Variants in NRSN2 observed in about 807,000 individuals in gnomAD.
NRSN2 encodes neurensin-2.
In NRSN2, 10 loss-of-function variants were observed where a neutral mutation model predicts 11.1. The ratio of observed to expected loss-of-function variants is 0.90; its 90% CI spans 0.56 to 1.53. The LOEUF (loss-of-function observed/expected upper bound fraction) is 1.53, where lower values mean the gene tolerates loss of function less well. Ranked by LOEUF, NRSN2 falls within the 40% of genes most tolerant of loss-of-function variation. The pLI is 0.00. For synonymous variants in NRSN2, 100 were observed against 117.0 expected, an observed-to-expected ratio of 0.86 and a Z score of 0.94; for missense variants, 260 against 273.7, an observed-to-expected ratio of 0.95 and a Z score of 0.35.
At position 349,541 on chromosome 20, in the gene NRSN2, C is replaced by T. The variant is rs1170622786; in HGVS notation, c.-6-97C>T. On this transcript the variant is annotated intron_variant, in intron 3 of 4. Transcript: ENST00000382285. ...AGGGTGTCTCGAGTGGGAGGAGAAG[C>T]GGGTGGGGCACAAAGATTTAGGGGG... is the stretch of plus-strand genomic sequence containing the variant. 2.7e-5 allele frequency: 26 copies of T among 949,998 alleles called. No homozygotes were observed. In the East Asian group the frequency reaches 3.9e-4, roughly 14 times the overall value. The allele number at this position is 949,998 out of a possible 1,614,324, so 58.8% of individuals were successfully genotyped here. A position where few individuals can be genotyped will look rare whatever the true frequency, so the allele number is the denominator to read the frequency against.
At chr20:350,646 CAAAAAAAAAAAAAAAAAAA>C (rs56188179) in intron 4 of NRSN2, among the ~76,000 whole-genome samples, 3 of 39,400 alleles carry the variant, frequency 7.6e-5, no homozygotes, top group East Asian at 1.7e-3. Flanking sequence ...GACTCTGTCT[CAAAAAAAAAAAAAAAAAAA>C]AAAAAAAAAA....
rs371797787 is a variant in NRSN2 at position 353,678 on chromosome 20, C to A, written c.*43C>A. ...AGATGTGGGTCCTGGATCCTTCCCC[C>A]CTTCTCACCATAACCCCCTCTCAGT... On this transcript the variant is annotated 3_prime_UTR_variant, in exon 5 of 5. Transcript: ENST00000382285. 371 of 1,574,334 alleles carry A rather than the reference C, an allele frequency of 2.4e-4. 8 individuals are homozygous for A. The highest frequency in any genetic ancestry group is 1.1e-3 in the South Asian group (100 of 88,294).
chr20:352,974 A>G (rs1351940952), intron 4 of NRSN2, among the ~76,000 whole-genome samples: 1 of 152,150 alleles, frequency 6.6e-6, no homozygotes, highest in Admixed American at 6.5e-5. Flanking sequence ...TTGGCCGGAG[A>G]AACCCACTGC....
Position 353,764 on chromosome 20 carries a change from G to GGAGCACTGGGATTT in NRSN2, c.*133_*134insACTGGGATTTGAGC. On this transcript the variant is annotated 3_prime_UTR_variant, in exon 5 of 5. Transcript: ENST00000382285. ...TAGAGCCCAACTCCAGGTCAAATCT[G>GGAGCACTGGGATTT]GAGCTCAAATCCCAGTGCTCCCTCC... 1 of 991,326 alleles carries GGAGCACTGGGATTT rather than the reference G, an allele frequency of 1.0e-6. No individual in the cohort carries two copies. Among genetic ancestry groups the GGAGCACTGGGATTT allele is most frequent in the Non-Finnish European group, 1.4e-6 (1 of 691,562 alleles). The allele number at this position is 991,326 out of a possible 1,614,324, so 61.4% of individuals were successfully genotyped here.
chr20:351,384 A>G lies in NRSN2; in HGVS notation c.189+1552A>G, dbSNP rs561349271. 7.2e-5 allele frequency among the ~76,000 whole-genome samples: 11 copies of G among 152,298 alleles called. No homozygotes were observed. In the East Asian group the frequency reaches 1.7e-3, roughly 24 times the overall value. ...ACTTCATCTCTACTAAAAATAAAAA[A>G]TTAGCTGGATGTAGTGGCGCGGGCC... is the stretch of plus-strand genomic sequence containing the variant. On this transcript the variant is annotated intron_variant, in intron 4 of 4. Transcript: ENST00000382285.
chr20:350,434 A>C (rs2122541876), intron 4 of NRSN2, among the ~76,000 whole-genome samples: 1 of 149,406 alleles, frequency 6.7e-6, no homozygotes, highest in African/African-American at 2.5e-5. Flanking sequence ...AGCTGAGATC[A>C]ATCCATTGCA....
chr20:347,187 C>G lies in NRSN2; in HGVS notation c.-201+45C>G, dbSNP rs1201794342. On this transcript the variant is annotated intron_variant, in intron 1 of 4. Transcript: ENST00000382285. This position sits in a 1 kb window ranked among gnomAD's most constrained non-coding sequence, Gnocchi z 7.0. ...ACGCGCGGCCAGGCCCCAGCCCCAG[C>G]CCCTGGAGAACCCCCGCGCTCTGCC... is the stretch of plus-strand genomic sequence containing the variant. The G allele has an allele frequency of 6.6e-6, 1 of 152,618 alleles. No homozygotes were observed. Among genetic ancestry groups the G allele is most frequent in the Non-Finnish European group, 1.5e-5 (1 of 68,458 alleles). The allele number at this position is 152,618 out of a possible 1,614,324, so 9.5% of individuals were successfully genotyped here. A position where few individuals can be genotyped will look rare whatever the true frequency, so the allele number is the denominator to read the frequency against.
intron 4 of NRSN2, among the ~76,000 whole-genome samples, chr20:352,201 C>G (rs1016736442): frequency 7.2e-5 from 11 of 152,160 alleles, no homozygotes; most frequent in African/African-American, 2.2e-4. Context: ...GAATTGATGT[C>G]TTTAACAGCC....
chr20:353,198 G>A lies in NRSN2; in HGVS notation c.190-12G>A. 1 of 1,612,004 alleles carries A rather than the reference G, an allele frequency of 6.2e-7. No homozygotes were observed. Among genetic ancestry groups the A allele is most frequent in the Admixed American group, 1.7e-5 (1 of 59,136 alleles). On this transcript the variant is annotated splice_polypyrimidine_tract_variant and intron_variant, in intron 4 of 4. Coordinates refer to ENST00000382285, the MANE Select transcript of NRSN2 (RefSeq NM_001323682.2). The stretch of plus-strand genomic sequence containing the variant: ...ACCCTGACTGCTTCCTGGTCTGTCT[G>A]CTTCTCCCTAGATCAGCCTGTCCTC...
In NRSN2 at chr20:353,623, G is replaced by C; in HGVS notation, c.603G>C (p.Lys201Asn). The change falls in exon 5 of 5, where the codon AAG (lysine) becomes AAC (asparagine). Residue 201 changes from lysine (K) to asparagine (N), a missense_variant. Lys to Asn is a moderately conservative substitution (Grantham distance 94, BLOSUM62 0). Coordinates refer to ENST00000382285, the MANE Select transcript of NRSN2 (RefSeq NM_001323682.2). Reference sequence around the variant, plus strand: ...CTTCTGTGCAGACTATCCAGCCCAAGAGGGACTCCTGAGCTGCCCACATGG... The same window carrying C: ...CTTCTGTGCAGACTATCCAGCCCAACAGGGACTCCTGAGCTGCCCACATGG... ...GQSSVQTIQP[K>N]RDS 1 of 1,614,074 alleles carries C rather than the reference G, an allele frequency of 6.2e-7. No individual in the cohort carries two copies. The highest frequency in any genetic ancestry group is 8.5e-7 in the Non-Finnish European group (1 of 1,180,008).
chr20:351,002 G>A lies in NRSN2; in HGVS notation c.189+1170G>A, dbSNP rs1481550216. On this transcript the variant is annotated intron_variant, in intron 4 of 4. Transcript: ENST00000382285. ...CCATCATTTTGGGAGGCCAAGGTGGGTGGATCACCTGAGGTCAGGAGTTCG... is the reference window on the plus strand; with the variant it reads ...CCATCATTTTGGGAGGCCAAGGTGGATGGATCACCTGAGGTCAGGAGTTCG... Among the ~76,000 whole-genome samples, 3 of 152,188 alleles carry A rather than the reference G, an allele frequency of 2.0e-5. No individual in the cohort carries two copies. In the East Asian group the frequency reaches 5.8e-4, roughly 29 times the overall value.
At chr20:350,164 A>AC (rs1898651511) in intron 4 of NRSN2, among the ~76,000 whole-genome samples, 1 of 151,558 alleles carries the variant, frequency 6.6e-6, no homozygotes, top group Non-Finnish European at 1.5e-5. Flanking sequence ...GCATGGCGAA[A>AC]CCCTTTCTCT....
At chr20:350,640 C>A in intron 4 of NRSN2, among the ~76,000 whole-genome samples, 1 of 76,402 alleles carries the variant, frequency 1.3e-5, no homozygotes, top group African/African-American at 5.5e-5. Flanking sequence ...GAACAAGACT[C>A]TGTCTCAAAA....
intron 4 of NRSN2, among the ~76,000 whole-genome samples, chr20:352,865 G>A (rs1203615538): frequency 6.6e-6 from 1 of 152,198 alleles, no homozygotes; most frequent in Admixed American, 6.5e-5. Flanking sequence ...GAGGAGGTGA[G>A]GTTTGAGATG....
intron 3 of NRSN2, 26 bp from the exon 4 acceptor site, chr20:349,612 T>A (rs2013756126): frequency 6.3e-7 from 1 of 1,581,906 alleles, no homozygotes; most frequent in Admixed American, 1.7e-5. Flanking sequence ...CCTCCCTCCG[T>A]CAGCTGCACC....
rs2014147573 is a variant in NRSN2 at position 353,418 on chromosome 20, G to A, written c.398G>A (p.Cys133Tyr). 6.2e-7 allele frequency: 1 copy of A among 1,613,816 alleles called. No homozygotes were observed. Among genetic ancestry groups the A allele is most frequent in the African/African-American group, 1.3e-5 (1 of 74,902 alleles). ...GCAGCTGGAGTTCTGCTCGCCATCT[G>A]CCTCTTCTGGGCCATGATAGGCTGG... Reference protein sequence around the residue: ...CVAAGVLLAICLFWAMIGWLS... With the variant: ...CVAAGVLLAIYLFWAMIGWLS... The change falls in exon 5 of 5, where the codon TGC becomes TAC. Residue 133 changes from cysteine (C) to tyrosine (Y), a missense_variant. Coordinates refer to ENST00000382285, the MANE Select transcript of NRSN2 (RefSeq NM_001323682.2).
At position 353,704 on chromosome 20, in the gene NRSN2, G is replaced by A; in HGVS notation, c.*69G>A. On this transcript the variant is annotated 3_prime_UTR_variant, in exon 5 of 5. Coordinates refer to ENST00000382285, the MANE Select transcript of NRSN2 (RefSeq NM_001323682.2). ...CTTCTCACCATAACCCCCTCTCAGT[G>A]TTTCCCCAACTTCTCCCTTTTAGCA... The A allele has an allele frequency of 2.0e-6, 3 of 1,499,158 alleles. No individual in the cohort carries two copies. Among genetic ancestry groups the A allele is most frequent in the Non-Finnish European group, 2.7e-6 (3 of 1,103,142 alleles). 92.9% of individuals were successfully genotyped at this position (1,499,158 alleles called of 1,614,324 possible).
chr20:349,060 A>G (rs376694358), intron 2 of NRSN2, among the ~76,000 whole-genome samples, 189 bp from the exon 3 acceptor site: 6 of 152,174 alleles, frequency 3.9e-5, no homozygotes, highest in African/African-American at 7.2e-5. Flanking sequence ...AGCCATGACA[A>G]TTACCCCCAG....
In NRSN2 at chr20:347,438, T is replaced by G. The variant is rs1318405411; in HGVS notation, c.-196T>G. 6.6e-6 allele frequency: 1 copy of G among 151,876 alleles called. No homozygotes were observed. Among genetic ancestry groups the G allele is most frequent in the Non-Finnish European group, 1.5e-5 (1 of 68,024 alleles). 9.4% of individuals were successfully genotyped at this position (151,876 alleles called of 1,614,324 possible). On this transcript the variant is annotated 5_prime_UTR_variant, in exon 2 of 5. Coordinates refer to ENST00000382285, the MANE Select transcript of NRSN2 (RefSeq NM_001323682.2). This position sits in a 1 kb window ranked among gnomAD's most constrained non-coding sequence, Gnocchi z 7.0. Reference sequence around the variant, plus strand: ...TCCTACCCCTCTCTGCCTCAGTTTCTCTCTAGGGAAAAGGACGCAGTTGGT... The same window carrying G: ...TCCTACCCCTCTCTGCCTCAGTTTCGCTCTAGGGAAAAGGACGCAGTTGGT...
Sources: gnomAD v4.1 joint callset for allele counts (sites outside exome capture counted in the v4.1 genomes callset) on GRCh38, gnomAD v4.1.1 for gene constraint, Gnocchi (gnomAD v3.1) non-coding constraint, MANE v1.5 for transcripts, NCBI Gene and HGNC (gene_info 2026-07-23, HGNC 2026-07-21) for gene names.